ITGA11: variants seen among roughly 807,000 people sequenced by gnomAD.
ITGA11 encodes the protein integrin subunit alpha 11.
Under a neutral mutation model 141.9 loss-of-function variants are expected in ITGA11, and 97 were observed. That is an observed-to-expected ratio of 0.68 (90% CI 0.58 to 0.81). ITGA11 has a LOEUF of 0.81. Among genes scored for constraint, ITGA11 ranks in the 30% least tolerant of loss-of-function variants. The pLI is 0.00. For missense variants in ITGA11, 1,387 were observed against 1,559.2 expected (o/e 0.89, Z 1.86); for synonymous variants, 658 against 624.6 (o/e 1.05, Z -0.80).
At chr15:68,356,648 C>A (rs1895079958) in intron 7 of ITGA11, among the ~76,000 whole-genome samples, 1 of 152,200 alleles carries the variant, frequency 6.6e-6, no homozygotes, top group African/African-American at 2.4e-5. Flanking sequence ...AAGGGCAGAA[C>A]CAAATTCCCT....
chr15:68,405,683 G>A lies in ITGA11; in HGVS notation c.53-2654C>T, dbSNP rs76687549. On this transcript the variant is annotated intron_variant, in intron 1 of 29. Coordinates refer to ENST00000315757, the MANE Select transcript of ITGA11 (RefSeq NM_001004439.2). ...CTGGCCAGTGAAGGCATGTCACAGAGGAGAGAGAGAGAGACAGCAGTGTCA... is the reference window on the plus strand; with the variant it reads ...CTGGCCAGTGAAGGCATGTCACAGAAGAGAGAGAGAGAGACAGCAGTGTCA... 1.1e-3 allele frequency among the ~76,000 whole-genome samples: 164 copies of A among 151,846 alleles called. 1 individual carries two copies. In the East Asian group the frequency reaches 0.029, roughly 26 times the overall value.
At chr15:68,427,478 A>G (rs2414999) in intron 1 of ITGA11, among the ~76,000 whole-genome samples, 141,240 of 152,110 alleles carry the variant, frequency 0.93, 66,071 homozygotes, top group Non-Finnish European at 0.99. Flanking sequence ...TGCACATGCC[A>G]ATTATTTCTG....
chr15:68,400,144 A>T (rs973546024), intron 2 of ITGA11, among the ~76,000 whole-genome samples: 2 of 152,138 alleles, frequency 1.3e-5, no homozygotes, highest in Non-Finnish European at 2.9e-5. Flanking sequence ...TTCAACAAAG[A>T]TGTCACTAGA....
rs1331783775 is a variant in ITGA11, at chr15:68,297,932, TCTGGGTCTCTTG to T, written c.*5115_*5126del. ...ATGTGTGTCGTAACTGAGAGTAGGC[TCTGGGTCTCTTG>T]ACCCACTGAACAGTGCTCTTTCACT... On this transcript the variant is annotated 3_prime_UTR_variant, in exon 30 of 30. Transcript: ENST00000315757. 3.3e-5 allele frequency: 5 copies of T among 152,236 alleles called. No individual in the cohort carries two copies. The highest frequency in any genetic ancestry group is 9.6e-5 in the African/African-American group (4 of 41,462). 9.4% of individuals were successfully genotyped at this position (152,236 alleles called of 1,614,324 possible). A position where few individuals can be genotyped will look rare whatever the true frequency, so the allele number is the denominator to read the frequency against.
intron 2 of ITGA11, 108 bp from the exon 3 acceptor site, chr15:68,369,392 G>GGGGGGGGGGGGGGGA: frequency 5.3e-6 from 1 of 187,570 alleles, no homozygotes. Context: ...GGGAGGGTGG[G>GGGGGGGGGGGGGGGA]AGGGAACCCT....
In ITGA11 at chr15:68,328,356, A is replaced by T; in HGVS notation, c.1902-94T>A. On this transcript the variant is annotated intron_variant, in intron 15 of 29. Transcript: ENST00000315757. The surrounding 1 kb of genome is among the most constrained non-coding windows in gnomAD (Gnocchi z 4.8). ...AAGACAAGAACCAGATGCGAGTGGG[A>T]TCTGCAAAGCCACTGGAGGGGGTGA... is the stretch of plus-strand genomic sequence containing the variant. 1.0e-6 allele frequency: 1 copy of T among 1,001,838 alleles called. No homozygotes were observed. Among genetic ancestry groups the T allele is most frequent in the Admixed American group, 2.5e-5 (1 of 40,356 alleles). The allele number at this position is 1,001,838 out of a possible 1,614,324, so 62.1% of individuals were successfully genotyped here.
At position 68,332,490 on chromosome 15, in the gene ITGA11, G is replaced by A. The variant is rs745752801; in HGVS notation, c.1426-12C>T. 4 of 1,611,084 alleles carry A rather than the reference G, an allele frequency of 2.5e-6. No individual in the cohort carries two copies. The highest frequency in any genetic ancestry group is 1.3e-5 in the African/African-American group (1 of 74,918). On this transcript the variant is annotated splice_polypyrimidine_tract_variant and intron_variant, in intron 12 of 29. Coordinates refer to ENST00000315757, the MANE Select transcript of ITGA11 (RefSeq NM_001004439.2). Reference sequence around the variant, plus strand: ...AAGTAAGAGCCTATCTGCGGCACGTGATGGGAGAGAGGAGTGGGCTGGCTG... The same window carrying A: ...AAGTAAGAGCCTATCTGCGGCACGTAATGGGAGAGAGGAGTGGGCTGGCTG...
intron 3 of ITGA11, chr15:68,365,595 G>A (rs1272485143): frequency 2.0e-5 from 3 of 151,634 alleles, no homozygotes; most frequent in Admixed American, 1.3e-4. Context: ...GGAAGAGGGA[G>A]TGGGAGAGGC....
At chr15:68,349,620 C>T (rs938262385) in intron 9 of ITGA11, among the ~76,000 whole-genome samples, 1 of 152,198 alleles carries the variant, frequency 6.6e-6, no homozygotes, top group Non-Finnish European at 1.5e-5. Context: ...ATTTCCAATG[C>T]ACTGCAGACT....
At position 68,321,553 on chromosome 15, in the gene ITGA11, C is replaced by T; in HGVS notation, c.2323-50G>A. 1.5e-6 allele frequency: 2 copies of T among 1,290,462 alleles called. No homozygotes were observed. Among genetic ancestry groups the T allele is most frequent in the Non-Finnish European group, 2.2e-6 (2 of 923,134 alleles). The allele number at this position is 1,290,462 out of a possible 1,614,324, so 79.9% of individuals were successfully genotyped here. ...GGCAGCTGGGTAGGGACCCGCAGCC[C>T]CTCGCCCTCAATGTACACCAGCTCT... On this transcript the variant is annotated intron_variant, in intron 18 of 29. Transcript: ENST00000315757. The surrounding 1 kb of genome is among the most constrained non-coding windows in gnomAD (Gnocchi z 4.9).
chr15:68,375,490 C>T (rs549339437), intron 2 of ITGA11, among the ~76,000 whole-genome samples: 14 of 152,282 alleles, frequency 9.2e-5, no homozygotes, highest in African/African-American at 2.6e-4. Flanking sequence ...GTGGGGACCC[C>T]GGGGCTGCCC....
chr15:68,403,227 T>G (rs2140413640), intron 1 of ITGA11, among the ~76,000 whole-genome samples, 198 bp from the exon 2 acceptor site: 1 of 152,280 alleles, frequency 6.6e-6, no homozygotes, highest in East Asian at 1.9e-4. Context: ...CACAGTCTGA[T>G]GGGAGAGATT....
At chr15:68,358,637 C>G in intron 5 of ITGA11, 52 bp from the exon 6 acceptor site, 3 of 1,551,846 alleles carry the variant, frequency 1.9e-6, no homozygotes, top group Non-Finnish European at 8.7e-7. Context: ...GTCTGCGAGT[C>G]TCTGATTCTC....
At chr15:68,318,180 A>T (rs1893661282) in intron 20 of ITGA11, among the ~76,000 whole-genome samples, 1 of 152,088 alleles carries the variant, frequency 6.6e-6, no homozygotes, top group Non-Finnish European at 1.5e-5. Flanking sequence ...TGAAGGAGGT[A>T]GGCTCCAGGC....
intron 4 of ITGA11, among the ~76,000 whole-genome samples, chr15:68,363,448 T>C (rs1895316367): frequency 6.6e-6 from 1 of 152,298 alleles, no homozygotes; most frequent in Middle Eastern, 3.4e-3. Flanking sequence ...GGCTGTGGGC[T>C]GAATATACAT....
At position 68,333,429 on chromosome 15, in the gene ITGA11, G is replaced by A. The variant is rs771014971; in HGVS notation, c.1426-951C>T. ...GATGTTATAAATCATTCTGGCATTA[G>A]CATCGTGGATGGTGAATTATGATTT... On this transcript the variant is annotated intron_variant, in intron 12 of 29. Transcript: ENST00000315757. The surrounding 1 kb of genome is among the most constrained non-coding windows in gnomAD (Gnocchi z 4.2). Among the ~76,000 whole-genome samples, 26 of 152,172 alleles carry A rather than the reference G, an allele frequency of 1.7e-4. No individual in the cohort carries two copies. Among genetic ancestry groups the A allele is most frequent in the Admixed American group, 1.3e-3 (20 of 15,280 alleles).
At chr15:68,386,440 A>T (rs1895986973) in intron 2 of ITGA11, among the ~76,000 whole-genome samples, 1 of 152,130 alleles carries the variant, frequency 6.6e-6, no homozygotes, top group South Asian at 2.1e-4. Flanking sequence ...CTGCAAAATA[A>T]TCCCAGAGGA....
rs755562806 is a variant in ITGA11, at chr15:68,325,284, G to A, written c.2212-43C>T. On this transcript the variant is annotated intron_variant, in intron 17 of 29. Transcript: ENST00000315757. The surrounding 1 kb of genome is among the most constrained non-coding windows in gnomAD (Gnocchi z 5.5). ...GGGCAGCGGTGAGGGAGGAGAGAAC[G>A]TCATTTTATGAGCCAGGACCGTGGA... 1.2e-5 allele frequency: 16 copies of A among 1,313,604 alleles called. No homozygotes were observed. Among genetic ancestry groups the A allele is most frequent in the Middle Eastern group, 1.8e-4 (1 of 5,556 alleles). The allele number at this position is 1,313,604 out of a possible 1,614,324, so 81.4% of individuals were successfully genotyped here. A position where few individuals can be genotyped will look rare whatever the true frequency, so the allele number is the denominator to read the frequency against.
At chr15:68,399,074 C>T (rs542959069) in intron 2 of ITGA11, among the ~76,000 whole-genome samples, 42 of 151,910 alleles carry the variant, frequency 2.8e-4, no homozygotes, top group African/African-American at 9.4e-4. Context: ...GACAAGCTGA[C>T]TTAAAAATTT....
Sources: allele counts gnomAD v4.1 joint callset (sites outside exome capture counted in the v4.1 genomes callset), GRCh38; gene constraint gnomAD v4.1.1; non-coding constraint Gnocchi (gnomAD v3.1); transcripts MANE v1.5; gene names NCBI Gene and HGNC (gene_info 2026-07-23, HGNC 2026-07-21).